The following ADAMTSL1 variants were observed in gnomAD, a reference collection of about 807,000 sequenced individuals.
ADAMTSL1 encodes ADAMTS like 1.
Under a neutral mutation model 201.8 loss-of-function variants are expected in ADAMTSL1, and 126 were observed. The ratio of observed to expected loss-of-function variants is 0.62; its 90% CI spans 0.54 to 0.72. ADAMTSL1 has a LOEUF of 0.72. Among genes scored for constraint, ADAMTSL1 ranks in the 30% least tolerant of loss-of-function variants. ADAMTSL1 has a pLI of 0.00. For missense variants in ADAMTSL1, 2,679 were observed against 2,277.8 expected (o/e 1.18, Z -3.59); for synonymous variants, 1,121 against 903.4 (o/e 1.24, Z -4.32).
intron 26 of ADAMTSL1, among the ~76,000 whole-genome samples, chr9:18,893,882 C>A (rs1829449415): frequency 6.6e-6 from 1 of 152,194 alleles, no homozygotes; most frequent in African/African-American, 2.4e-5. Context: ...AAACTAAGAC[C>A]ACCTTCTTAG....
intron 2 of ADAMTSL1, among the ~76,000 whole-genome samples, chr9:18,338,460 T>G (rs1228298684): frequency 7.8e-6 from 1 of 128,690 alleles, no homozygotes; most frequent in Non-Finnish European, 1.9e-5. Context: ...TGGCTTTTGT[T>G]TTTTTGAGAC....
chr9:17,915,539 T>C (rs1563892276), intron 1 of ADAMTSL1, among the ~76,000 whole-genome samples: 1 of 152,208 alleles, frequency 6.6e-6, no homozygotes, highest in African/African-American at 2.4e-5. Flanking sequence ...TGTACAAGTC[T>C]TTGTATGAAC....
chr9:18,684,346 C>T (rs1830696090), intron 12 of ADAMTSL1, among the ~76,000 whole-genome samples: 1 of 151,832 alleles, frequency 6.6e-6, no homozygotes, highest in African/African-American at 2.4e-5. Context: ...ATATAATTGA[C>T]TGTACTTTGT....
intron 1 of ADAMTSL1, among the ~76,000 whole-genome samples, chr9:18,503,419 G>GTATATATATATATATATATATATATA (rs1206500089): frequency 1.4e-4 from 8 of 58,234 alleles, no homozygotes; most frequent in African/African-American, 4.0e-4. Context: ...GTATTCCATT[G>GTATATATATATATATATATATATATA]TGTATATATA....
chr9:18,306,487 GAGA>G (rs1370625081), intron 2 of ADAMTSL1, among the ~76,000 whole-genome samples: 1 of 152,158 alleles, frequency 6.6e-6, no homozygotes, highest in Non-Finnish European at 1.5e-5. Flanking sequence ...AACCAGTTTA[GAGA>G]AGAACAGAAA....
intron 2 of ADAMTSL1, among the ~76,000 whole-genome samples, chr9:18,275,797 T>C (rs968867812): frequency 5.9e-5 from 9 of 152,180 alleles, no homozygotes; most frequent in African/African-American, 2.2e-4. Context: ...TTTGAGACTA[T>C]TATTAATAAA....
intron 2 of ADAMTSL1, among the ~76,000 whole-genome samples, chr9:18,231,568 T>C (rs1830646881): frequency 6.6e-6 from 1 of 152,186 alleles, no homozygotes. Flanking sequence ...TTCTTTACTC[T>C]CCATGTTGTT....
chr9:18,100,270 A>T (rs1336162110), intron 1 of ADAMTSL1, among the ~76,000 whole-genome samples: 1 of 152,034 alleles, frequency 6.6e-6, no homozygotes, highest in Non-Finnish European at 1.5e-5. Context: ...TGTTTGTGAA[A>T]TTCGTTTACC....
At chr9:17,958,879 A>G (rs947326588) in intron 1 of ADAMTSL1, among the ~76,000 whole-genome samples, 1 of 152,178 alleles carries the variant, frequency 6.6e-6, no homozygotes, top group African/African-American at 2.4e-5. Context: ...ATAGTTGAGA[A>G]GAGAAAATCC....
intron 2 of ADAMTSL1, among the ~76,000 whole-genome samples, chr9:18,257,137 A>G (rs1371302614): frequency 6.6e-6 from 1 of 152,244 alleles, no homozygotes; most frequent in Non-Finnish European, 1.5e-5. Context: ...TAAAATATCA[A>G]TTACAAAAAT....
At chr9:17,974,596 A>G (rs997685286) in intron 1 of ADAMTSL1, among the ~76,000 whole-genome samples, 1 of 151,924 alleles carries the variant, frequency 6.6e-6, no homozygotes, top group Non-Finnish European at 1.5e-5. Flanking sequence ...TAGACTCCAT[A>G]TATGTGAGAT....
At chr9:18,141,775 T>C (rs1024823335) in intron 1 of ADAMTSL1, among the ~76,000 whole-genome samples, 1 of 152,188 alleles carries the variant, frequency 6.6e-6, no homozygotes, top group African/African-American at 2.4e-5. Flanking sequence ...CTCCTGTAGA[T>C]CTTGTCACTG....
intron 2 of ADAMTSL1, among the ~76,000 whole-genome samples, chr9:18,532,226 T>A (rs1819487108): frequency 6.6e-6 from 1 of 152,178 alleles, no homozygotes; most frequent in Non-Finnish European, 1.5e-5. Context: ...AGGAATGCAG[T>A]AAAATGGAAA....
intron 16 of ADAMTSL1, among the ~76,000 whole-genome samples, chr9:18,762,220 C>A (rs139786604): frequency 7.2e-5 from 11 of 152,148 alleles, no homozygotes; most frequent in Non-Finnish European, 1.5e-4. Flanking sequence ...AGGAAAATAG[C>A]GGGCACATAA....
intron 7 of ADAMTSL1, among the ~76,000 whole-genome samples, chr9:18,644,174 T>C (rs1827629822): frequency 6.6e-6 from 1 of 151,870 alleles, no homozygotes; most frequent in Admixed American, 6.6e-5. Flanking sequence ...TTTTGAATGG[T>C]TTGATATTAG....
intron 19 of ADAMTSL1, among the ~76,000 whole-genome samples, chr9:18,791,352 TC>T (rs113236305): frequency 8.0e-4 from 121 of 152,120 alleles, no homozygotes; most frequent in African/African-American, 2.8e-3. Context: ...AGTCAAATCC[TC>T]CCCCATCCCT....
At chr9:18,678,662 T>A (rs1029331758) in intron 10 of ADAMTSL1, among the ~76,000 whole-genome samples, 1 of 152,190 alleles carries the variant, frequency 6.6e-6, no homozygotes. Context: ...TTAGAAAATG[T>A]GCTCTTTTAT....
At chr9:18,176,939 T>C (rs10120328) in intron 2 of ADAMTSL1, among the ~76,000 whole-genome samples, 57,090 of 152,106 alleles carry the variant, frequency 0.38, 10,933 homozygotes, top group East Asian at 0.49. Flanking sequence ...CAGTTACATA[T>C]GAAGCAGGTT....
chr9:17,996,399 G>A (rs1034870095), intron 1 of ADAMTSL1, among the ~76,000 whole-genome samples: 1 of 152,060 alleles, frequency 6.6e-6, no homozygotes, highest in Non-Finnish European at 1.5e-5. Flanking sequence ...TCAGTATAAG[G>A]TGAGGGTAAG....
Sources: allele counts gnomAD v4.1 joint callset (sites outside exome capture counted in the v4.1 genomes callset), GRCh38; gene constraint gnomAD v4.1.1; transcripts MANE v1.5; gene names NCBI Gene and HGNC (gene_info 2026-07-23, HGNC 2026-07-21).